The following RNF216 variants were observed in gnomAD, a reference collection of about 807,000 sequenced individuals.
The protein encoded by RNF216 is E3 ubiquitin-protein ligase RNF216.
In RNF216, 72 loss-of-function variants were observed where a neutral mutation model predicts 110.8. The ratio of observed to expected loss-of-function variants is 0.65; its 90% CI spans 0.54 to 0.79. RNF216 has a LOEUF of 0.79. Among genes scored for constraint, RNF216 ranks in the 30% least tolerant of loss-of-function variants. The pLI is 0.00. For synonymous variants in RNF216, 495 were observed against 407.5 expected (o/e 1.21, Z -2.59); for missense variants, 1,342 against 1,141.2 (o/e 1.18, Z -2.54).
chr7:5,641,554 T>A (rs974833374), intron 14 of RNF216, among the ~76,000 whole-genome samples, 178 bp from the exon 15 acceptor site: 1 of 151,958 alleles, frequency 6.6e-6, no homozygotes, highest in African/African-American at 2.4e-5. Flanking sequence ...TTTAATTGTA[T>A]GACCTTCAGT....
At chr7:5,711,729 A>G (rs1395124696) in intron 13 of RNF216, 32 bp downstream of exon 13, 2 of 1,578,830 alleles carry the variant, frequency 1.3e-6, no homozygotes, top group Admixed American at 1.7e-5. Context: ...CCATAATTCA[A>G]TATACATCTA....
rs149328847 is a variant in RNF216 at position 5,641,376 on chromosome 7, A to T, written c.2160T>A (p.Ile720=). Residue 720 remains isoleucine (I), a splice_region_variant and synonymous_variant, in exon 15 of 17, where the codon ATT becomes ATA. Coordinates refer to ENST00000389902, the MANE Select transcript of RNF216 (RefSeq NM_207111.4). ...EKDDIKYRTS[I]EEKMTAARIR... ...TGCGGGCAGCAGTCATTTTTTCTTC[A>T]CTGAAATAAGAAAACATAATTTGGA... The T allele has an allele frequency of 7.5e-6, 12 of 1,610,724 alleles. No individual in the cohort carries two copies. In the African/African-American group the frequency reaches 1.5e-4, roughly 20 times the overall value.
chr7:5,763,760 A>G (rs956005938), intron 1 of RNF216, among the ~76,000 whole-genome samples: 3 of 152,034 alleles, frequency 2.0e-5, no homozygotes, highest in Non-Finnish European at 4.4e-5. Flanking sequence ...TTTTGTAGAG[A>G]CAGGGTCTCA....
rs75658756 is a variant in RNF216 at position 5,711,976 on chromosome 7, T to C, written c.1983-137A>G. The C allele has an allele frequency of 4.2e-3, 2,893 of 687,130 alleles. 59 individuals carry two copies. The African/African-American group carries it at 0.048, about 11-fold the overall frequency. 42.6% of individuals were successfully genotyped at this position (687,130 alleles called of 1,614,324 possible). A position where few individuals can be genotyped will look rare whatever the true frequency, so the allele number is the denominator to read the frequency against. ...CCCCTTTATACTCCTTAGTTTTCCTTAAAAACACAGATTGAACCTCTTCTT... is the reference window on the plus strand; with the variant it reads ...CCCCTTTATACTCCTTAGTTTTCCTCAAAAACACAGATTGAACCTCTTCTT... On this transcript the variant is annotated intron_variant, in intron 12 of 16. Transcript: ENST00000389902.
chr7:5,665,383 A>C (rs1320010704), intron 13 of RNF216, among the ~76,000 whole-genome samples: 1 of 152,142 alleles, frequency 6.6e-6, no homozygotes, highest in Admixed American at 6.6e-5. Context: ...TTGTTCTTAA[A>C]TATTTTTTGT....
intron 15 of RNF216, among the ~76,000 whole-genome samples, chr7:5,625,808 G>A (rs1436247234): frequency 2.6e-5 from 4 of 152,216 alleles, no homozygotes. Flanking sequence ...AAGATTCTTA[G>A]AATAAACTCC....
chr7:5,637,133 A>G (rs948232644), intron 15 of RNF216, among the ~76,000 whole-genome samples: 41 of 152,096 alleles, frequency 2.7e-4, no homozygotes, highest in African/African-American at 9.9e-4. Flanking sequence ...GTTCCTAGAG[A>G]TGGTTGCCTC....
chr7:5,639,713 G>C (rs1167666956), intron 15 of RNF216, among the ~76,000 whole-genome samples: 2 of 151,402 alleles, frequency 1.3e-5, no homozygotes, highest in Non-Finnish European at 2.9e-5. Flanking sequence ...ACCCGCCTTG[G>C]TTTCCCAAAG....
In RNF216 at chr7:5,770,457, G is replaced by A. The variant is rs539031036; in HGVS notation, c.-69-9319C>T. Among the ~76,000 whole-genome samples the A allele has an allele frequency of 1.7e-4, 25 of 147,294 alleles. No homozygotes were observed. The South Asian group carries it at 1.9e-3, about 11-fold the overall frequency. On this transcript the variant is annotated intron_variant, in intron 1 of 16. Transcript: ENST00000389902. Reference sequence around the variant, plus strand: ...GCCTGGGCAACGAGAGCAAAACTCCGTCTCAAAAAAAAAAAAAAGATTACT... The same window carrying A: ...GCCTGGGCAACGAGAGCAAAACTCCATCTCAAAAAAAAAAAAAAGATTACT...
chr7:5,776,130 G>A (rs765319052), intron 1 of RNF216, among the ~76,000 whole-genome samples: 2 of 152,054 alleles, frequency 1.3e-5, no homozygotes, highest in Non-Finnish European at 2.9e-5. Context: ...ATCCATATGT[G>A]AAAGCTGTGG....
At chr7:5,751,284 G>A (rs1018170203) in intron 3 of RNF216, among the ~76,000 whole-genome samples, 9 of 152,186 alleles carry the variant, frequency 5.9e-5, no homozygotes, top group Admixed American at 1.3e-4. Flanking sequence ...GAGTGGCACT[G>A]ATGCCCGAAG....
intron 13 of RNF216, among the ~76,000 whole-genome samples, chr7:5,699,862 C>T (rs901668857): frequency 6.6e-6 from 1 of 152,178 alleles, no homozygotes; most frequent in Non-Finnish European, 1.5e-5. Flanking sequence ...GTGACAGAGA[C>T]CCTCTGTATT....
chr7:5,723,646 C>CAA (rs948474564), intron 8 of RNF216, among the ~76,000 whole-genome samples: 2 of 136,804 alleles, frequency 1.5e-5, no homozygotes, highest in African/African-American at 5.4e-5. Context: ...GACTCCGTCT[C>CAA]AAAAAAAAAA....
At chr7:5,751,178 G>T (rs1047711255) in intron 3 of RNF216, among the ~76,000 whole-genome samples, 2 of 152,106 alleles carry the variant, frequency 1.3e-5, no homozygotes, top group African/African-American at 4.8e-5. Flanking sequence ...TCTTTCTCCA[G>T]CTGGAACAAC....
intron 12 of RNF216, 35 bp downstream of exon 12, chr7:5,712,680 A>G (rs2128630195): frequency 1.2e-6 from 2 of 1,611,930 alleles, no homozygotes; most frequent in Non-Finnish European, 1.7e-6. Flanking sequence ...AATGGGGAAG[A>G]GTTGGCAGAT....
chr7:5,711,636 A>G, intron 13 of RNF216, 125 bp downstream of exon 13: 3 of 760,704 alleles, frequency 3.9e-6, no homozygotes, highest in Non-Finnish European at 6.7e-6. Context: ...TTTGCTTATG[A>G]AAAGGAAAGC....
chr7:5,676,021 CTT>C (rs112746518), intron 13 of RNF216, among the ~76,000 whole-genome samples: 1 of 145,564 alleles, frequency 6.9e-6, no homozygotes. Flanking sequence ...CTTCTTTTTT[CTT>C]TTTTTTTTTG....
intron 13 of RNF216, among the ~76,000 whole-genome samples, chr7:5,709,214 G>A (rs1409206134): frequency 6.6e-6 from 1 of 152,158 alleles, no homozygotes; most frequent in Admixed American, 6.6e-5. Context: ...AGACAAGACA[G>A]AAACCAGTCC....
chr7:5,722,229 A>T (rs1793470622), intron 8 of RNF216, among the ~76,000 whole-genome samples: 1 of 151,804 alleles, frequency 6.6e-6, no homozygotes, highest in African/African-American at 2.4e-5. Context: ...TGGCCAATTT[A>T]TGTTTTTCTA....
Sources: gnomAD v4.1 joint callset for allele counts (sites outside exome capture counted in the v4.1 genomes callset) on GRCh38, gnomAD v4.1.1 for gene constraint, MANE v1.5 for transcripts, NCBI Gene and HGNC (gene_info 2026-07-23, HGNC 2026-07-21) for gene names.